The following KIAA0319L variants were observed in gnomAD, a reference collection of about 807,000 sequenced individuals.
KIAA0319L encodes KIAA0319 like.
A neutral mutation model predicts 120.1 loss-of-function variants in KIAA0319L; 55 were observed. The observed-to-expected ratio is 0.46, with a 90% CI of 0.37 to 0.57. The LOEUF is 0.57. KIAA0319L is among the 20% of genes least tolerant of loss of function. The probability of loss-of-function intolerance (pLI) is 0.00; values close to 1 mark genes in which losing one functional copy is unlikely to be tolerated. For synonymous variants in KIAA0319L, 398 were observed against 471.9 expected (o/e 0.84, Z 2.03); for missense variants, 1,049 against 1,255.3 (o/e 0.84, Z 2.48).
In KIAA0319L at chr1:35,444,161, T is replaced by C. The variant is rs758196396; in HGVS notation, c.2656A>G (p.Thr886Ala). The C allele has an allele frequency of 5.6e-6, 9 of 1,593,726 alleles. No individual in the cohort carries two copies. The highest frequency in any genetic ancestry group is 2.3e-5 in the East Asian group (1 of 43,846). Residue 886 changes from threonine (T) to alanine (A), a missense_variant and splice_region_variant, in exon 17 of 21, where the codon ACA (threonine) becomes GCA (alanine). By Grantham distance (58) the Thr-to-Ala change is moderately conservative. Transcript: ENST00000325722. ...IFRALEVNTV[T>A]CQLNCSDHGH... is the part of the protein sequence containing the mutation. Reference sequence around the variant, plus strand: ...CTCCCAAATTCCCAGAATTACTCACTGACAGTGTTGACTTCCAAGGCTCTG... The same window carrying C: ...CTCCCAAATTCCCAGAATTACTCACCGACAGTGTTGACTTCCAAGGCTCTG...
chr1:35,471,946 T>C (rs894997722), intron 5 of KIAA0319L, among the ~76,000 whole-genome samples: 11 of 152,188 alleles, frequency 7.2e-5, no homozygotes, highest in South Asian at 4.1e-4. Flanking sequence ...TTTTGGCCAG[T>C]TGTCAGCGCC....
At chr1:35,468,971 A>G (rs1558375834) in intron 6 of KIAA0319L, among the ~76,000 whole-genome samples, 1 of 152,232 alleles carries the variant, frequency 6.6e-6, no homozygotes, top group Non-Finnish European at 1.5e-5. Flanking sequence ...ATTAAAAGAA[A>G]TAAGTGTACA....
rs1344150335 is a variant in KIAA0319L at position 35,509,839 on chromosome 1, T to A, written c.143-2704A>T. ...ATGTGATGCTGGAAAACTATGGGAA[T>A]CTTGTGCCTGTGGGTTTCTCTCTTT... On this transcript the variant is annotated intron_variant, in intron 2 of 20. Transcript: ENST00000325722. The A allele has an allele frequency of 2.0e-5, 3 of 152,694 alleles. No individual in the cohort carries two copies. The East Asian group carries it at 5.8e-4, about 29-fold the overall frequency. 9.5% of individuals were successfully genotyped at this position (152,694 alleles called of 1,614,324 possible). A position where few individuals can be genotyped will look rare whatever the true frequency, so the allele number is the denominator to read the frequency against.
At chr1:35,556,895 CTAA>C (rs1648164778) in intron 1 of KIAA0319L, 1 of 152,268 alleles carries the variant, frequency 6.6e-6, no homozygotes, top group Admixed American at 6.5e-5. Flanking sequence ...GAGACAGCAA[CTAA>C]AGACTAGGCT....
At chr1:35,537,615 T>TA (rs58080321) in intron 2 of KIAA0319L, among the ~76,000 whole-genome samples, 6,638 of 102,888 alleles carry the variant, frequency 0.065, 481 homozygotes, top group African/African-American at 0.17. Flanking sequence ...TAAGCGCCAT[T>TA]AAAAAAAAAA....
chr1:35,476,613 G>A (rs1188294393), intron 4 of KIAA0319L, among the ~76,000 whole-genome samples: 4 of 152,084 alleles, frequency 2.6e-5, no homozygotes, highest in Admixed American at 6.5e-5. Context: ...AAAAAGAAAA[G>A]AAAGAAACAT....
chr1:35,493,175 T>C (rs550575132), intron 3 of KIAA0319L, among the ~76,000 whole-genome samples: 7 of 152,166 alleles, frequency 4.6e-5, no homozygotes, highest in Admixed American at 2.0e-4. Flanking sequence ...ACAGAATGAA[T>C]AAATAAGTTT....
At chr1:35,524,075 G>A (rs1456942340) in intron 2 of KIAA0319L, among the ~76,000 whole-genome samples, 1 of 152,162 alleles carries the variant, frequency 6.6e-6, no homozygotes, top group East Asian at 1.9e-4. Context: ...TTCGTCTTTG[G>A]TATAAAATGG....
At chr1:35,541,890 T>A (rs1465348060) in intron 2 of KIAA0319L, among the ~76,000 whole-genome samples, 1 of 152,200 alleles carries the variant, frequency 6.6e-6, no homozygotes. Context: ...TGGCCCATCA[T>A]GCTCCTCAGT....
intron 3 of KIAA0319L, among the ~76,000 whole-genome samples, chr1:35,489,409 A>G (rs548641491): frequency 4.4e-4 from 67 of 152,268 alleles, no homozygotes; most frequent in African/African-American, 1.5e-3. Context: ...CAACCCTATG[A>G]TTGCCCCAGC....
At chr1:35,444,033 T>C (rs1020516372) in intron 17 of KIAA0319L, 128 bp downstream of exon 17, 27 of 768,408 alleles carry the variant, frequency 3.5e-5, no homozygotes, top group Non-Finnish European at 5.2e-5. Flanking sequence ...ATGGTAATAG[T>C]AGTGCAAGAG....
chr1:35,512,535 C>T (rs977732673), intron 2 of KIAA0319L, among the ~76,000 whole-genome samples: 26 of 151,386 alleles, frequency 1.7e-4, no homozygotes, highest in East Asian at 1.9e-4. Flanking sequence ...GGACTGACCA[C>T]GGGAAAAAAA....
intron 7 of KIAA0319L, among the ~76,000 whole-genome samples, chr1:35,465,909 G>GT (rs1363053492): frequency 2.6e-5 from 4 of 152,094 alleles, no homozygotes; most frequent in Non-Finnish European, 5.9e-5. Context: ...TACATAAGAC[G>GT]TGACTTGCTC....
intron 2 of KIAA0319L, among the ~76,000 whole-genome samples, chr1:35,507,627 C>T (rs1337180578): frequency 2.6e-5 from 4 of 152,134 alleles, no homozygotes; most frequent in Admixed American, 2.6e-4. Context: ...ACAGTTTCCC[C>T]AGCAAACTGG....
Position 35,453,479 on chromosome 1 carries a change from C to T in KIAA0319L, c.1913+78G>A. 1 of 1,430,656 alleles carries T rather than the reference C, an allele frequency of 7.0e-7. No homozygotes were observed. The highest frequency in any genetic ancestry group is 9.7e-7 in the Non-Finnish European group (1 of 1,029,742). 88.6% of individuals were successfully genotyped at this position (1,430,656 alleles called of 1,614,324 possible). ...GGATAAGCCAATAAGAGCAACTCAA[C>T]TCATAATAGCAAATAAAACCTTGCT... On this transcript the variant is annotated intron_variant, in intron 12 of 20. Coordinates refer to ENST00000325722, the MANE Select transcript of KIAA0319L (RefSeq NM_024874.5). The surrounding 1 kb of genome is among the most constrained non-coding windows in gnomAD (Gnocchi z 4.1).
rs563896294 is a variant in KIAA0319L, at chr1:35,482,532, C to T, written c.667-3320G>A. On this transcript the variant is annotated intron_variant, in intron 3 of 20. Transcript: ENST00000325722. ...ACAACCTCCGCCTCCCAGGTTCAAGCGATTCTCCTGCCTCAGCCTCCCGAG... is the reference window on the plus strand; with the variant it reads ...ACAACCTCCGCCTCCCAGGTTCAAGTGATTCTCCTGCCTCAGCCTCCCGAG... 2.8e-4 allele frequency among the ~76,000 whole-genome samples: 43 copies of T among 151,108 alleles called. 1 individual carries two copies. In the South Asian group the frequency reaches 8.6e-3, roughly 30 times the overall value.
Position 35,449,893 on chromosome 1 carries a change from TCTGTGTCA to T in KIAA0319L, c.2319_2326del (p.Ser773ArgfsTer10). 6.2e-7 allele frequency: 1 copy of T among 1,614,036 alleles called. No individual in the cohort carries two copies. Among genetic ancestry groups the T allele is most frequent in the East Asian group, 2.2e-5 (1 of 44,880 alleles). On this transcript the variant is annotated frameshift_variant, in exon 15 of 21. Coordinates refer to ENST00000325722, the MANE Select transcript of KIAA0319L (RefSeq NM_024874.5). LOFTEE classifies it high-confidence loss of function. ...AGGTTTCACCTCCACAGTGGTCCGG[TCTGTGTCA>T]CTCTCACCCTTTGCATCGGTCACTT...
rs756341704 is a variant in KIAA0319L at position 35,454,369 on chromosome 1, C to T, written c.1773G>A (p.Val591=). 5 of 1,613,934 alleles carry T rather than the reference C, an allele frequency of 3.1e-6. No individual in the cohort carries two copies. The highest frequency in any genetic ancestry group is 1.3e-5 in the African/African-American group (1 of 75,046). ...QQATAQVTVI[V]QPENNKPPQA... is the part of the protein sequence containing the mutation. Reference sequence around the variant, plus strand: ...CACAAGGCTGGAGCTTACCAGGTTGCACAATAACAGTCACTTGAGCAGTGG... The same window carrying T: ...CACAAGGCTGGAGCTTACCAGGTTGTACAATAACAGTCACTTGAGCAGTGG... The change falls in exon 11 of 21, where the codon GTG becomes GTA. Residue 591 remains valine, a synonymous_variant. Transcript: ENST00000325722.
chr1:35,443,673 AAAATAAATAAATAAAT>A (rs750954696), intron 17 of KIAA0319L, among the ~76,000 whole-genome samples: 7 of 151,126 alleles, frequency 4.6e-5, no homozygotes, highest in Admixed American at 3.3e-4. Flanking sequence ...ACTCTATCTC[AAAATAAATAAATAAAT>A]AAATAAATAA....
Sources: allele counts gnomAD v4.1 joint callset (sites outside exome capture counted in the v4.1 genomes callset), GRCh38; gene constraint gnomAD v4.1.1; non-coding constraint Gnocchi (gnomAD v3.1); transcripts MANE v1.5; gene names NCBI Gene and HGNC (gene_info 2026-07-23, HGNC 2026-07-21).